The following CSMD1 variants were observed in gnomAD, a reference collection of about 807,000 sequenced individuals.
The protein encoded by CSMD1 is CUB and Sushi multiple domains 1, also known as CUB and sushi domain-containing protein 1.
In CSMD1, 213 loss-of-function variants were observed where a neutral mutation model predicts 417.5. The ratio of observed to expected loss-of-function variants is 0.51; its 90% confidence interval spans 0.46 to 0.57. CSMD1 has a LOEUF of 0.57. Among genes scored for constraint, CSMD1 ranks in the 20% least tolerant of loss-of-function variants. The pLI is 0.00. For missense variants in CSMD1, 6,923 were observed against 4,529.7 expected (o/e 1.53, Z -15.17); for synonymous variants, 2,862 against 1,736.8 (o/e 1.65, Z -16.11).
intron 38 of CSMD1, among the ~76,000 whole-genome samples, chr8:3,158,219 A>G (rs1819654610): frequency 1.3e-5 from 2 of 152,210 alleles, no homozygotes; most frequent in Non-Finnish European, 2.9e-5. Flanking sequence ...TGACCAGACC[A>G]TAATTCGACT....
rs142813472 is a variant in CSMD1 at position 3,069,822 on chromosome 8, G to C, written c.7475-17175C>G. The stretch of plus-strand genomic sequence containing the variant: ...CCACATTTCCCTTGGCACTGCCCTA[G>C]TAGAGGTTCTCTGTGAGGGCTCTGC... On this transcript the variant is annotated intron_variant, in intron 49 of 69. Coordinates refer to ENST00000635120, the MANE Select transcript of CSMD1 (RefSeq NM_033225.6). Among the ~76,000 whole-genome samples, 1,066 of 152,350 alleles carry C rather than the reference G, an allele frequency of 7.0e-3. 10 individuals carry two copies. Among genetic ancestry groups the C allele is most frequent in the African/African-American group, 0.024 (998 of 41,594 alleles).
chr8:4,799,115 G>A (rs949123622), intron 1 of CSMD1, among the ~76,000 whole-genome samples: 12 of 152,250 alleles, frequency 7.9e-5, no homozygotes, highest in African/African-American at 2.2e-4. Flanking sequence ...CATGGGTCAC[G>A]CCCCTGGGAT....
intron 23 of CSMD1, among the ~76,000 whole-genome samples, chr8:3,309,493 G>C (rs1476052895): frequency 2.0e-5 from 3 of 152,012 alleles, no homozygotes; most frequent in Non-Finnish European, 4.4e-5. Context: ...CAGAAATGAA[G>C]ATTTAGCTTC....
At chr8:4,768,801 A>T (rs957887885) in intron 1 of CSMD1, among the ~76,000 whole-genome samples, 1 of 152,154 alleles carries the variant, frequency 6.6e-6, no homozygotes, top group Non-Finnish European at 1.5e-5. Flanking sequence ...GAGAGGAATT[A>T]ATAAAACAAA....
intron 3 of CSMD1, among the ~76,000 whole-genome samples, chr8:4,105,514 T>A (rs1801523031): frequency 6.6e-6 from 1 of 152,224 alleles, no homozygotes; most frequent in African/African-American, 2.4e-5. Context: ...TAGGCTTCAT[T>A]AAGCTTATTT....
At chr8:4,412,918 A>C (rs1023108119) in intron 3 of CSMD1, among the ~76,000 whole-genome samples, 1 of 152,232 alleles carries the variant, frequency 6.6e-6, no homozygotes, top group Non-Finnish European at 1.5e-5. Context: ...CAATCAGATA[A>C]AAGAAAAGTT....
At position 3,536,940 on chromosome 8, in the gene CSMD1, A is replaced by G. The variant is rs547261100; in HGVS notation, c.1344+38005T>C. Among the ~76,000 whole-genome samples the G allele has an allele frequency of 7.9e-5, 12 of 152,334 alleles. 1 individual carries two copies. In the South Asian group the frequency reaches 2.5e-3, roughly 32 times the overall value. ...GATTGCCCTAGTCGTCAGTAGAGTCAGTATTTACTGGGAGCTTTCACATGC... is the reference window on the plus strand; with the variant it reads ...GATTGCCCTAGTCGTCAGTAGAGTCGGTATTTACTGGGAGCTTTCACATGC... On this transcript the variant is annotated intron_variant, in intron 10 of 69. Coordinates refer to ENST00000635120, the MANE Select transcript of CSMD1 (RefSeq NM_033225.6).
intron 3 of CSMD1, among the ~76,000 whole-genome samples, chr8:4,171,094 G>A (rs1797738720): frequency 6.6e-6 from 1 of 151,814 alleles, no homozygotes; most frequent in Non-Finnish European, 1.5e-5. Context: ...CCAGAGTCCA[G>A]CTGTACTACC....
At chr8:3,748,593 T>C (rs959299031) in intron 6 of CSMD1, among the ~76,000 whole-genome samples, 3 of 152,220 alleles carry the variant, frequency 2.0e-5, no homozygotes, top group Admixed American at 2.0e-4. Flanking sequence ...CAACCATGCA[T>C]GCCACCAGAA....
chr8:3,409,018 C>G (rs1432964507), intron 13 of CSMD1, among the ~76,000 whole-genome samples: 2 of 152,120 alleles, frequency 1.3e-5, no homozygotes, highest in African/African-American at 2.4e-5. Flanking sequence ...GAATTCCAAA[C>G]CAATACCACC....
chr8:4,364,610 G>A (rs188533297), intron 3 of CSMD1, among the ~76,000 whole-genome samples: 1,066 of 18,414 alleles, frequency 0.058, 393 homozygotes, highest in South Asian at 0.067. Context: ...GGATCACGAG[G>A]TCAGGAGATC....
chr8:3,540,645 C>G (rs1480519443), intron 10 of CSMD1, among the ~76,000 whole-genome samples: 3 of 151,934 alleles, frequency 2.0e-5, no homozygotes, highest in South Asian at 2.1e-4. Context: ...TGACAAAGGG[C>G]TAATATCCAG....
chr8:4,460,654 AAGAAG>A (rs1563199997), intron 2 of CSMD1, among the ~76,000 whole-genome samples: 1 of 152,124 alleles, frequency 6.6e-6, no homozygotes, highest in Non-Finnish European at 1.5e-5. Context: ...ACAGATATTT[AAGAAG>A]AAGACTGTAA....
chr8:4,132,792 T>A (rs1353054871), intron 3 of CSMD1, among the ~76,000 whole-genome samples: 2 of 152,186 alleles, frequency 1.3e-5, no homozygotes, highest in East Asian at 3.8e-4. Flanking sequence ...ACAAACTGTG[T>A]GTGAATGTAA....
At chr8:3,361,976 G>A (rs1356466683) in intron 20 of CSMD1, among the ~76,000 whole-genome samples, 1 of 152,082 alleles carries the variant, frequency 6.6e-6, no homozygotes, top group Non-Finnish European at 1.5e-5. Context: ...AGGTGTGCAT[G>A]TTCATCTTTG....
At position 4,692,128 on chromosome 8, in the gene CSMD1, G is replaced by A. The variant is rs117798824; in HGVS notation, c.86-54570C>T. ...TGGCACCCTGGTACTCAGCCCAGGG[G>A]CTCCACCTGCTGAAAACCTGCCCCC... On this transcript the variant is annotated intron_variant, in intron 1 of 69. Coordinates refer to ENST00000635120, the MANE Select transcript of CSMD1 (RefSeq NM_033225.6). Among the ~76,000 whole-genome samples, 1,103 of 152,154 alleles carry A rather than the reference G, an allele frequency of 7.2e-3. 15 individuals are homozygous for A. Among genetic ancestry groups the A allele is most frequent in the South Asian group, 0.036 (172 of 4,806 alleles).
At chr8:4,764,400 CT>C (rs1812310518) in intron 1 of CSMD1, among the ~76,000 whole-genome samples, 1 of 152,088 alleles carries the variant, frequency 6.6e-6, no homozygotes, top group Non-Finnish European at 1.5e-5. Flanking sequence ...TGGCATATTA[CT>C]TTTTTACAAT....
chr8:3,569,976 G>A (rs1179738848), intron 10 of CSMD1, among the ~76,000 whole-genome samples: 1 of 152,118 alleles, frequency 6.6e-6, no homozygotes. Flanking sequence ...TAATTATTAA[G>A]TCCTCACAAT....
chr8:3,437,074 A>G (rs888573305), intron 12 of CSMD1, among the ~76,000 whole-genome samples: 3 of 152,222 alleles, frequency 2.0e-5, no homozygotes, highest in Admixed American at 6.5e-5. Flanking sequence ...GTTCTCATGC[A>G]TCGAAAAACT....
Sources: allele counts gnomAD v4.1 joint callset (sites outside exome capture counted in the v4.1 genomes callset), GRCh38; gene constraint gnomAD v4.1.1; transcripts MANE v1.5; gene names NCBI Gene and HGNC (gene_info 2026-07-23, HGNC 2026-07-21).